EXOC6: variants seen among roughly 807,000 people sequenced by gnomAD.
The protein encoded by EXOC6 is SEC15-like 1.
A neutral mutation model predicts 112.5 loss-of-function variants in EXOC6; 60 were observed. The ratio of observed to expected loss-of-function variants is 0.53; its 90% CI spans 0.43 to 0.66. The LOEUF is 0.66. EXOC6 is among the 30% of genes least tolerant of loss of function. EXOC6 has a pLI of 0.00. For synonymous variants in EXOC6, 295 were observed against 308.0 expected (o/e 0.96, Z 0.44); for missense variants, 855 against 957.1 (o/e 0.89, Z 1.41).
intron 8 of EXOC6, among the ~76,000 whole-genome samples, chr10:92,920,955 A>G (rs1013482478): frequency 5.9e-5 from 9 of 151,972 alleles, no homozygotes; most frequent in Admixed American, 3.9e-4. Flanking sequence ...CCATCCTTTT[A>G]CTTTCAGTCT....
intron 19 of EXOC6, among the ~76,000 whole-genome samples, chr10:92,999,865 G>T (rs1843672763): frequency 6.6e-6 from 1 of 151,968 alleles, no homozygotes; most frequent in Admixed American, 6.6e-5. Flanking sequence ...ACCAGGCCCG[G>T]CTAATTTTTT....
intron 1 of EXOC6, among the ~76,000 whole-genome samples, chr10:92,858,099 G>A (rs773940036): frequency 8.2e-5 from 12 of 146,628 alleles, no homozygotes; most frequent in Non-Finnish European, 1.5e-4. Context: ...TGAGAAGTCA[G>A]CTGTTAATCT....
Position 92,919,972 on chromosome 10 carries a change from T to C in EXOC6, c.820-10T>C, listed in dbSNP as rs1851336783. 2 of 1,574,184 alleles carry C rather than the reference T, an allele frequency of 1.3e-6. No individual in the cohort carries two copies. Among genetic ancestry groups the C allele is most frequent in the Admixed American group, 1.8e-5 (1 of 54,538 alleles). On this transcript the variant is annotated splice_polypyrimidine_tract_variant and intron_variant, in intron 7 of 21. Coordinates refer to ENST00000260762, the MANE Select transcript of EXOC6 (RefSeq NM_019053.6). ...ACCTATAATTTTTTTAAAAATGGTT[T>C]AATTTTCAGATCTTAACTGTTCAGG...
chr10:93,053,919 C>T (rs1846421402), intron 20 of EXOC6, among the ~76,000 whole-genome samples: 1 of 152,222 alleles, frequency 6.6e-6, no homozygotes, highest in Non-Finnish European at 1.5e-5. Flanking sequence ...TCCATCTTTG[C>T]TCTCTGCCCA....
At chr10:92,839,840 G>A (rs1490566654) in intron 1 of EXOC6, among the ~76,000 whole-genome samples, 1 of 152,072 alleles carries the variant, frequency 6.6e-6, no homozygotes, top group Non-Finnish European at 1.5e-5. Context: ...AGAAAGGTGG[G>A]GGGCTGTGGG....
intron 13 of EXOC6, among the ~76,000 whole-genome samples, chr10:92,946,993 A>T (rs923572393): frequency 9.9e-5 from 15 of 152,196 alleles, no homozygotes; most frequent in South Asian, 2.1e-4. Flanking sequence ...TATCTCTCCT[A>T]TTAGATTTCT....
intron 19 of EXOC6, among the ~76,000 whole-genome samples, chr10:93,000,609 A>G (rs577522611): frequency 1.3e-5 from 2 of 152,336 alleles, no homozygotes; most frequent in South Asian, 4.1e-4. Context: ...CAGGACTCCA[A>G]AGACAAACCA....
At chr10:92,913,908 G>T (rs1168794835) in intron 6 of EXOC6, among the ~76,000 whole-genome samples, 1 of 152,154 alleles carries the variant, frequency 6.6e-6, no homozygotes, top group African/African-American at 2.4e-5. Flanking sequence ...ATTCTAATAC[G>T]AGAGATGAAT....
rs138648625 is a variant in EXOC6 at position 92,862,330 on chromosome 10, GC to G, written c.101+13706del. Among the ~76,000 whole-genome samples, 778 of 122,454 alleles carry G rather than the reference GC, an allele frequency of 6.4e-3. 2 individuals carry two copies. Among genetic ancestry groups the G allele is most frequent in the African/African-American group, 0.016 (501 of 31,674 alleles). The allele number at this position is 122,454 out of a possible 152,430, so 80.3% of individuals were successfully genotyped here. ...ATACTTGTTATGTCTGAAGTTTCATGCCCCCCCCCCATAATTCATATGTTAA... is the reference window on the plus strand; with the variant it reads ...ATACTTGTTATGTCTGAAGTTTCATGCCCCCCCCCATAATTCATATGTTAA... On this transcript the variant is annotated intron_variant, in intron 1 of 21. Transcript: ENST00000260762.
upstream of EXOC6, among the ~76,000 whole-genome samples, chr10:92,845,713 C>T (rs1212543457): frequency 6.6e-6 from 1 of 152,000 alleles, no homozygotes; most frequent in African/African-American, 2.4e-5. Flanking sequence ...CCGAGGCGGG[C>T]AGATCACCTG....
chr10:92,858,499 T>G (rs893405999), intron 1 of EXOC6, among the ~76,000 whole-genome samples: 5 of 152,208 alleles, frequency 3.3e-5, no homozygotes, highest in African/African-American at 1.2e-4. Context: ...GTATATTCAC[T>G]GATTCTTCCT....
chr10:92,910,225 A>T (rs534135307), intron 6 of EXOC6, among the ~76,000 whole-genome samples: 1 of 152,210 alleles, frequency 6.6e-6, no homozygotes. Context: ...AACAACCCAA[A>T]TGGCTTTCAG....
intron 19 of EXOC6, among the ~76,000 whole-genome samples, chr10:93,012,137 A>G (rs1236756719): frequency 6.6e-6 from 1 of 152,214 alleles, no homozygotes; most frequent in African/African-American, 2.4e-5. Context: ...TATAAAACCT[A>G]TTAACCTTAC....
intron 9 of EXOC6, among the ~76,000 whole-genome samples, chr10:92,930,054 A>C (rs1174236091): frequency 6.6e-6 from 1 of 152,242 alleles, no homozygotes; most frequent in Admixed American, 6.5e-5. Context: ...AAAGATAAAG[A>C]GGAATGGAAG....
Position 92,899,565 on chromosome 10 carries a change from T to G in EXOC6, c.413-34T>G, listed in dbSNP as rs185606122. 6.3e-5 allele frequency: 92 copies of G among 1,462,158 alleles called. No homozygotes were observed. The African/African-American group carries it at 1.2e-3, about 19-fold the overall frequency. The allele number at this position is 1,462,158 out of a possible 1,614,324, so 90.6% of individuals were successfully genotyped here. A position where few individuals can be genotyped will look rare whatever the true frequency, so the allele number is the denominator to read the frequency against. ...ATGTCTCAAAATATTTTCTTTTCAT[T>G]TTGAAAGCTAAAATGTTATATTTTT... is the stretch of plus-strand genomic sequence containing the variant. On this transcript the variant is annotated intron_variant, in intron 4 of 21. Transcript: ENST00000260762.
chr10:93,037,291 C>T (rs545681708), intron 20 of EXOC6, among the ~76,000 whole-genome samples: 121 of 151,888 alleles, frequency 8.0e-4, no homozygotes, highest in African/African-American at 2.8e-3. Flanking sequence ...AGGTGCATGC[C>T]ACCACACCCA....
chr10:92,894,271 A>T (rs1331410463), intron 2 of EXOC6, among the ~76,000 whole-genome samples: 1 of 152,162 alleles, frequency 6.6e-6, no homozygotes, highest in African/African-American at 2.4e-5. Flanking sequence ...TGACCTAATG[A>T]GTCACTTAAT....
chr10:92,827,474 CAAAAAA>C lies in EXOC6; in HGVS notation c.-27+557_-27+562del, dbSNP rs60863083. Among the ~76,000 whole-genome samples, 212 of 33,186 alleles carry C rather than the reference CAAAAAA, an allele frequency of 6.4e-3. 1 individual carries two copies. Among genetic ancestry groups the C allele is most frequent in the Non-Finnish European group, 8.6e-3 (181 of 21,026 alleles). 21.8% of individuals were successfully genotyped at this position (33,186 alleles called of 152,430 possible). A position where few individuals can be genotyped will look rare whatever the true frequency, so the allele number is the denominator to read the frequency against. On this transcript the variant is annotated intron_variant, in intron 1 of 22. Transcript: ENST00000671701. ...GGGCGACAGAGTGAGGCCCTGTTGC[CAAAAAA>C]AAAAAAAAAAAAAAAAAAAAAAAAA...
At chr10:92,901,409 A>G (rs2133844590) in intron 5 of EXOC6, 1 of 151,746 alleles carries the variant, frequency 6.6e-6, no homozygotes, top group South Asian at 2.1e-4. Flanking sequence ...ATTCCCCACC[A>G]CCACCTTTTT....
Sources: allele counts gnomAD v4.1 joint callset (sites outside exome capture counted in the v4.1 genomes callset), GRCh38; gene constraint gnomAD v4.1.1; transcripts MANE v1.5; gene names NCBI Gene and HGNC (gene_info 2026-07-23, HGNC 2026-07-21).